The following RAB11FIP3 variants were observed in gnomAD, a reference collection of about 807,000 sequenced individuals.
RAB11FIP3 encodes the protein rab11 family-interacting protein 3.
Under a neutral mutation model 77.8 loss-of-function variants are expected in RAB11FIP3, and 17 were observed. The observed-to-expected ratio is 0.22, with a 90% CI of 0.15 to 0.33. The LOEUF (loss-of-function observed/expected upper bound fraction) is 0.33, where lower values mean the gene tolerates loss of function less well. Among genes scored for constraint, RAB11FIP3 ranks in the 10% least tolerant of loss-of-function variants. The pLI, the probability that RAB11FIP3 is intolerant of heterozygous loss-of-function variation, is 1.00. For synonymous variants in RAB11FIP3, 437 were observed against 448.2 expected (o/e 0.98, Z 0.31); for missense variants, 1,005 against 1,011.2 (o/e 0.99, Z 0.08).
chr16:465,765 A>G (rs1223817236), intron 2 of RAB11FIP3, among the ~76,000 whole-genome samples: 1 of 152,050 alleles, frequency 6.6e-6, no homozygotes, highest in Admixed American at 6.6e-5. Flanking sequence ...TCGCGCTGCC[A>G]CACCTGGCCA....
At chr16:510,604 G>A (rs1256931607) in intron 8 of RAB11FIP3, 56 bp from the exon 9 acceptor site, 2 of 1,523,328 alleles carry the variant, frequency 1.3e-6, no homozygotes, top group Non-Finnish European at 8.8e-7. Context: ...GGGCATGGGT[G>A]GAGCCACTGC....
rs1378015891 is a variant in RAB11FIP3 at position 502,978 on chromosome 16, C to A, written c.1302-26C>A. ...TGTCCTGTGGTTTTTCCCTTTCTTCCCTCTGTTGTTGTGCCTTTTCTGTAG... is the reference window on the plus strand; with the variant it reads ...TGTCCTGTGGTTTTTCCCTTTCTTCACTCTGTTGTTGTGCCTTTTCTGTAG... On this transcript the variant is annotated intron_variant, in intron 6 of 13. Transcript: ENST00000262305. The A allele has an allele frequency of 1.9e-6, 3 of 1,552,988 alleles. No homozygotes were observed. The Admixed American group carries it at 5.0e-5, about 26-fold the overall frequency.
At chr16:500,054 C>T (rs566654360) in intron 6 of RAB11FIP3, among the ~76,000 whole-genome samples, 21 of 152,330 alleles carry the variant, frequency 1.4e-4, no homozygotes, top group South Asian at 2.1e-4. Context: ...TTGTAGCCCC[C>T]GGGCCTGGCT....
chr16:478,120 A>T (rs150336245), intron 3 of RAB11FIP3, among the ~76,000 whole-genome samples: 1 of 151,894 alleles, frequency 6.6e-6, no homozygotes, highest in Non-Finnish European at 1.5e-5. Context: ...CGTCTCTTCC[A>T]GTGAGGCTCA....
intron 3 of RAB11FIP3, among the ~76,000 whole-genome samples, chr16:478,393 A>G (rs1294547943): frequency 1.3e-5 from 2 of 151,980 alleles, no homozygotes; most frequent in South Asian, 4.2e-4. Context: ...GGGTTTCACC[A>G]TATTGGCTAG....
intron 4 of RAB11FIP3, among the ~76,000 whole-genome samples, chr16:486,407 G>A (rs1389871237): frequency 2.0e-5 from 3 of 152,282 alleles, no homozygotes; most frequent in African/African-American, 4.8e-5. Flanking sequence ...CAGGAGAATC[G>A]CTTGAACCCA....
intron 9 of RAB11FIP3, among the ~76,000 whole-genome samples, chr16:515,730 G>A (rs1370652899): frequency 1.3e-5 from 2 of 151,508 alleles, no homozygotes; most frequent in Non-Finnish European, 2.9e-5. Context: ...CCACACGGCC[G>A]ACACGTGTTG....
rs565459747 is a variant in RAB11FIP3 at position 508,776 on chromosome 16, C to T, written c.1500-1884C>T. Among the ~76,000 whole-genome samples the T allele has an allele frequency of 9.2e-5, 14 of 152,344 alleles. No homozygotes were observed. The South Asian group carries it at 1.0e-3, about 11-fold the overall frequency. On this transcript the variant is annotated intron_variant, in intron 8 of 13. Coordinates refer to ENST00000262305, the MANE Select transcript of RAB11FIP3 (RefSeq NM_014700.4). ...CTCTCCCTCTCATCTGTCTGAACAT[C>T]TGCTAGTCACACAGTGGGCCTTCTG...
At chr16:462,369 T>C (rs747880715) in intron 2 of RAB11FIP3, among the ~76,000 whole-genome samples, 1 of 152,088 alleles carries the variant, frequency 6.6e-6, no homozygotes, top group Non-Finnish European at 1.5e-5. Flanking sequence ...ACCACCATGC[T>C]CACCTCTACT....
chr16:468,286 A>T (rs182529970), intron 2 of RAB11FIP3, among the ~76,000 whole-genome samples: 457 of 29,046 alleles, frequency 0.016, 1 homozygote, highest in East Asian at 0.035. Context: ...GAGGAGGTGC[A>T]GGGGCGTCAG....
Position 489,066 on chromosome 16 carries a change from C to T in RAB11FIP3, c.1265+66C>T. ...TCCCGTGGTTAGTAGTGGGAAGTTTCCCTTTTTGGTTCGTGCATTGGTGAG... is the reference window on the plus strand; with the variant it reads ...TCCCGTGGTTAGTAGTGGGAAGTTTTCCTTTTTGGTTCGTGCATTGGTGAG... On this transcript the variant is annotated intron_variant, in intron 5 of 13. Transcript: ENST00000262305. The T allele has an allele frequency of 1.3e-6, 2 of 1,518,182 alleles. 1 individual carries two copies. Among genetic ancestry groups the T allele is most frequent in the South Asian group, 2.4e-5 (2 of 81,908 alleles). The allele number at this position is 1,518,182 out of a possible 1,614,324, so 94.0% of individuals were successfully genotyped here.
chr16:479,398 A>T lies in RAB11FIP3; in HGVS notation c.904-3127A>T, dbSNP rs2055987618. On this transcript the variant is annotated intron_variant, in intron 3 of 13. Coordinates refer to ENST00000262305, the MANE Select transcript of RAB11FIP3 (RefSeq NM_014700.4). ...CACAGTGAGACTCTATCTCAAAAAA[A>T]ACACAGCAGTAAAAACAGTAAAAAC... is the stretch of plus-strand genomic sequence containing the variant. 2.0e-5 allele frequency among the ~76,000 whole-genome samples: 3 copies of T among 152,122 alleles called. No homozygotes were observed. In the South Asian group the frequency reaches 6.2e-4, roughly 32 times the overall value.
In RAB11FIP3 at chr16:502,936, C is replaced by CTTGT. The variant is rs999054247; in HGVS notation, c.1302-67_1302-64dup. 4.8e-6 allele frequency: 6 copies of CTTGT among 1,258,872 alleles called. No individual in the cohort carries two copies. The African/African-American group carries it at 8.9e-5, about 19-fold the overall frequency. The allele number at this position is 1,258,872 out of a possible 1,614,324, so 78.0% of individuals were successfully genotyped here. A position where few individuals can be genotyped will look rare whatever the true frequency, so the allele number is the denominator to read the frequency against. ...TGCTTTTCAGATTGACTTGGGAGTG[C>CTTGT]TTGTGCTGACGGAGCATGTCCTGTG... On this transcript the variant is annotated intron_variant, in intron 6 of 13. Coordinates refer to ENST00000262305, the MANE Select transcript of RAB11FIP3 (RefSeq NM_014700.4).
chr16:440,064 TCTC>T (rs1479037065), intron 1 of RAB11FIP3, among the ~76,000 whole-genome samples: 2 of 151,866 alleles, frequency 1.3e-5, no homozygotes, highest in African/African-American at 4.8e-5. Flanking sequence ...ATGGTCTCGA[TCTC>T]CTGACCTCAT....
At chr16:496,712 G>A in intron 5 of RAB11FIP3, 112 bp from the exon 6 acceptor site, 1 of 1,024,508 alleles carries the variant, frequency 9.8e-7, no homozygotes, top group Non-Finnish European at 1.5e-6. Flanking sequence ...CATGCCGGGA[G>A]CATTGCTGAA....
chr16:461,445 C>T lies in RAB11FIP3; in HGVS notation c.756C>T (p.Gly252=), dbSNP rs759084377. The T allele has an allele frequency of 1.2e-5, 19 of 1,613,848 alleles. No homozygotes were observed. Among genetic ancestry groups the T allele is most frequent in the East Asian group, 4.5e-5 (2 of 44,862 alleles). The change falls in exon 2 of 14, where the codon GGC becomes GGT. Residue 252 remains glycine, a synonymous_variant. Transcript: ENST00000262305. The surrounding 1 kb of genome is among the most constrained non-coding windows in gnomAD (Gnocchi z 4.5). ...LTKYLDPSGL[G]VISFEDFYQG... ...AGTACTTGGATCCCAGTGGGCTCGG[C>T]GTGATCAGCTTTGAAGACTTCTACC...
chr16:435,385 G>A (rs1447712352), intron 1 of RAB11FIP3, among the ~76,000 whole-genome samples: 1 of 152,126 alleles, frequency 6.6e-6, no homozygotes, highest in Non-Finnish European at 1.5e-5. Flanking sequence ...GTAAACATTA[G>A]TTATATCAGA....
chr16:448,462 C>T (rs1293093525), intron 1 of RAB11FIP3, among the ~76,000 whole-genome samples: 19 of 152,182 alleles, frequency 1.2e-4, no homozygotes, highest in Non-Finnish European at 1.5e-4. Flanking sequence ...TTAGGCCGGG[C>T]GCGGTGGCTC....
chr16:511,299 T>C (rs1403236064), intron 9 of RAB11FIP3, among the ~76,000 whole-genome samples: 19 of 79,568 alleles, frequency 2.4e-4, no homozygotes, highest in African/African-American at 5.2e-4. Context: ...GAGAGGTTCT[T>C]GACAGCCCGC....
Sources: gnomAD v4.1 joint callset for allele counts (sites outside exome capture counted in the v4.1 genomes callset) on GRCh38, gnomAD v4.1.1 for gene constraint, Gnocchi (gnomAD v3.1) non-coding constraint, MANE v1.5 for transcripts, NCBI Gene and HGNC (gene_info 2026-07-23, HGNC 2026-07-21) for gene names.